PAX5: variants seen among roughly 807,000 people sequenced by gnomAD.
The protein encoded by PAX5 is paired box 5.
Under a neutral mutation model 43.7 loss-of-function variants are expected in PAX5, and 9 were observed. The ratio of observed to expected loss-of-function variants is 0.21; its 90% CI spans 0.12 to 0.36. The LOEUF is 0.36. PAX5 is among the 10% of genes least tolerant of loss of function. The pLI, the probability that PAX5 is intolerant of heterozygous loss-of-function variation, is 1.00. For missense variants in PAX5, 383 were observed against 532.7 expected (o/e 0.72, Z 2.77); for synonymous variants, 228 against 214.3 (o/e 1.06, Z -0.56).
intron 6 of PAX5, among the ~76,000 whole-genome samples, chr9:36,930,159 TCAGGG>T (rs1370545936): frequency 6.6e-6 from 1 of 151,304 alleles, no homozygotes; most frequent in Non-Finnish European, 1.5e-5. Flanking sequence ...AGAAGGACAG[TCAGGG>T]TCATCTTTCC....
intron 7 of PAX5, among the ~76,000 whole-genome samples, chr9:36,909,840 G>GAT (rs1829116926): frequency 8.2e-5 from 2 of 24,368 alleles, no homozygotes; most frequent in African/African-American, 6.0e-4. Flanking sequence ...TTTTTTTTTA[G>GAT]ATATAGGGTT....
At position 37,000,173 on chromosome 9, in the gene PAX5, A is replaced by T. The variant is rs568920322; in HGVS notation, c.604+2475T>A. On this transcript the variant is annotated intron_variant, in intron 5 of 9. Transcript: ENST00000358127. ...GAGATACAGAGAGAGGATGGGAAAC[A>T]TCAGAAGGGGGCACTTATGCAATAC... Among the ~76,000 whole-genome samples the T allele has an allele frequency of 2.6e-5, 4 of 152,258 alleles. No homozygotes were observed. In the South Asian group the frequency reaches 8.3e-4, roughly 32 times the overall value.
rs911450816 is a variant in PAX5, at chr9:37,014,865, C to A, written c.410+132G>T. The A allele has an allele frequency of 6.1e-6, 5 of 823,996 alleles. No individual in the cohort carries two copies. The African/African-American group carries it at 8.6e-5, about 14-fold the overall frequency. 51.0% of individuals were successfully genotyped at this position (823,996 alleles called of 1,614,324 possible). On this transcript the variant is annotated intron_variant, in intron 3 of 9. Transcript: ENST00000358127. Reference sequence around the variant, plus strand: ...GACCGAGCAGGCCCCATTAGCATCCCTCCTGTTCAGTAACCCCTAAGGGGC... The same window carrying A: ...GACCGAGCAGGCCCCATTAGCATCCATCCTGTTCAGTAACCCCTAAGGGGC...
chr9:36,969,173 A>G (rs12686406), intron 5 of PAX5, among the ~76,000 whole-genome samples: 94,584 of 139,096 alleles, frequency 0.68, 29,873 homozygotes, highest in East Asian at 0.79. Flanking sequence ...ACTCAGTGAA[A>G]CCTCCTTCCT....
chr9:36,929,192 C>A (rs1203849375), intron 6 of PAX5, among the ~76,000 whole-genome samples: 2 of 144,656 alleles, frequency 1.4e-5, no homozygotes, highest in Non-Finnish European at 3.0e-5. Flanking sequence ...GGTGAACTGA[C>A]AGAAAAAGAA....
chr9:37,001,547 C>G (rs569792665), intron 5 of PAX5, among the ~76,000 whole-genome samples: 1 of 152,226 alleles, frequency 6.6e-6, no homozygotes, highest in Non-Finnish European at 1.5e-5. Flanking sequence ...TTCCAAAAGC[C>G]GCAAATCTTC....
intron 7 of PAX5, among the ~76,000 whole-genome samples, chr9:36,887,930 TA>T (rs1195406195): frequency 6.6e-6 from 1 of 151,882 alleles, no homozygotes; most frequent in Non-Finnish European, 1.5e-5. Context: ...AGCTCAATAA[TA>T]GACAAATAAT....
intron 8 of PAX5, among the ~76,000 whole-genome samples, chr9:36,858,517 A>G (rs951251694): frequency 6.6e-6 from 1 of 152,088 alleles, no homozygotes; most frequent in Non-Finnish European, 1.5e-5. Flanking sequence ...TTTCTGCCCA[A>G]ATGACTCTTT....
chr9:36,939,905 T>C (rs12347909), intron 6 of PAX5, among the ~76,000 whole-genome samples: 5,226 of 151,790 alleles, frequency 0.034, 285 homozygotes, highest in African/African-American at 0.12. Context: ...TCGTGGCCAC[T>C]CTCCTCCTGT....
intron 8 of PAX5, among the ~76,000 whole-genome samples, chr9:36,848,899 G>C (rs113554588): frequency 1.7e-3 from 263 of 152,298 alleles, no homozygotes; most frequent in Admixed American, 4.0e-3. Flanking sequence ...TCCTGCAAAG[G>C]GCCATAAACA....
intron 5 of PAX5, among the ~76,000 whole-genome samples, chr9:36,969,821 G>A (rs558548094): frequency 6.6e-6 from 1 of 152,198 alleles, no homozygotes; most frequent in Admixed American, 6.5e-5. Context: ...ACCCTGTCCC[G>A]CGATTCCCCT....
At chr9:36,869,943 G>GATAA (rs1825304895) in intron 8 of PAX5, among the ~76,000 whole-genome samples, 3 of 136,746 alleles carry the variant, frequency 2.2e-5, no homozygotes, top group African/African-American at 8.9e-5. Flanking sequence ...TGGATAAATG[G>GATAA]ATGGATGGAT....
Position 36,882,106 on chromosome 9 carries a change from C to G in PAX5, c.911-1G>C. On this transcript the variant is annotated splice_acceptor_variant, in intron 7 of 9. Coordinates refer to ENST00000358127, the MANE Select transcript of PAX5 (RefSeq NM_016734.3). LOFTEE classifies it high-confidence loss of function. This position sits in a 1 kb window ranked among gnomAD's most constrained non-coding sequence, Gnocchi z 4.4. ...AGGGTCGTGCTCGCCAAGTCACGGCCTGAGGAATCAAAGCAACAAATCACA... is the reference window on the plus strand; with the variant it reads ...AGGGTCGTGCTCGCCAAGTCACGGCGTGAGGAATCAAAGCAACAAATCACA... The G allele has an allele frequency of 6.3e-7, 1 of 1,581,762 alleles. No homozygotes were observed.
At chr9:37,032,647 G>C (rs918771803) in intron 1 of PAX5, among the ~76,000 whole-genome samples, 9 of 152,216 alleles carry the variant, frequency 5.9e-5, no homozygotes, top group Admixed American at 3.9e-4. Flanking sequence ...GGCTGGAGGA[G>C]AGATGGGGGT....
At chr9:36,999,747 T>C (rs984011462) in intron 5 of PAX5, among the ~76,000 whole-genome samples, 2 of 152,226 alleles carry the variant, frequency 1.3e-5, no homozygotes, top group African/African-American at 2.4e-5. Flanking sequence ...GCAGCTGCCA[T>C]GGGCCAGCCG....
intron 6 of PAX5, among the ~76,000 whole-genome samples, chr9:36,928,690 TC>T (rs1449750956): frequency 2.0e-5 from 3 of 152,110 alleles, no homozygotes; most frequent in African/African-American, 7.2e-5. Context: ...CTACCCCACA[TC>T]GAGTCAGGTC....
chr9:36,960,307 G>A (rs1439497593), intron 6 of PAX5, among the ~76,000 whole-genome samples: 9 of 152,156 alleles, frequency 5.9e-5, no homozygotes, highest in African/African-American at 1.9e-4. Context: ...GGATTCACAC[G>A]TTCATGCACA....
chr9:36,984,762 T>G (rs1250825365), intron 5 of PAX5, among the ~76,000 whole-genome samples: 2 of 152,186 alleles, frequency 1.3e-5, no homozygotes, highest in East Asian at 3.8e-4. Flanking sequence ...AGCCTCATTT[T>G]TTCCAACAGC....
At chr9:36,888,452 A>C (rs1156537217) in intron 7 of PAX5, among the ~76,000 whole-genome samples, 1 of 152,264 alleles carries the variant, frequency 6.6e-6, no homozygotes, top group Admixed American at 6.5e-5. Flanking sequence ...TGAAATACCA[A>C]TACATACTAC....
Sources: gnomAD v4.1 joint callset for allele counts (sites outside exome capture counted in the v4.1 genomes callset) on GRCh38, gnomAD v4.1.1 for gene constraint, Gnocchi (gnomAD v3.1) non-coding constraint, MANE v1.5 for transcripts, NCBI Gene and HGNC (gene_info 2026-07-23, HGNC 2026-07-21) for gene names.